The following NAA15 variants were observed in gnomAD, a reference collection of about 807,000 sequenced individuals.
NAA15 encodes N-alpha-acetyltransferase 15, NatA auxiliary subunit.
A neutral mutation model predicts 114.0 loss-of-function variants in NAA15; 34 were observed. The observed-to-expected ratio is 0.30, with a 90% CI of 0.23 to 0.40. NAA15 has a LOEUF of 0.40. Ranked by LOEUF, NAA15 falls within the 10% of genes least tolerant of loss-of-function variation. NAA15 has a pLI of 1.00. For synonymous variants in NAA15, 340 were observed against 338.0 expected, an observed-to-expected ratio of 1.01 and a Z score of -0.06; for missense variants, 658 against 1,004.5, an observed-to-expected ratio of 0.66 and a Z score of 4.66.
chr4:139,349,553 C>T lies in NAA15; in HGVS notation c.783C>T (p.Tyr261=). The T allele has an allele frequency of 6.2e-7, 1 of 1,610,732 alleles. No homozygotes were observed. Among genetic ancestry groups the T allele is most frequent in the Non-Finnish European group, 8.5e-7 (1 of 1,179,128 alleles). ...QERNPENWAY[Y]KGLEKALKPA... is the part of the protein sequence containing the mutation. ...GAAATCCTGAAAACTGGGCCTATTA[C>T]AAAGGCTTGGAAAAAGCACTCAAGC... The change falls in exon 7 of 20, where the codon TAC becomes TAT. Residue 261 remains tyrosine, a synonymous_variant. Transcript: ENST00000296543.
chr4:139,342,479 G>A (rs867777421), intron 4 of NAA15, among the ~76,000 whole-genome samples: 1 of 125,550 alleles, frequency 8.0e-6, no homozygotes, highest in Non-Finnish European at 1.7e-5. Flanking sequence ...ATTAATGTGT[G>A]TTTTTTTTTT....
chr4:139,315,031 G>GT (rs1746353843), intron 1 of NAA15, among the ~76,000 whole-genome samples: 11 of 46,178 alleles, frequency 2.4e-4, no homozygotes, highest in African/African-American at 8.4e-4. Context: ...GTTAGGTTAG[G>GT]TTAGGTTAGG....
chr4:139,365,087 G>A (rs1748240633), intron 14 of NAA15, among the ~76,000 whole-genome samples: 2 of 152,072 alleles, frequency 1.3e-5, no homozygotes, highest in South Asian at 4.2e-4. Context: ...ACCCAGGCTG[G>A]TGTGCAATGG....
chr4:139,315,668 TC>T (rs1472783847), intron 1 of NAA15, among the ~76,000 whole-genome samples: 1 of 151,944 alleles, frequency 6.6e-6, no homozygotes, highest in Non-Finnish European at 1.5e-5. Flanking sequence ...TAGTACTTGC[TC>T]TTTTGTAGAT....
intron 1 of NAA15, among the ~76,000 whole-genome samples, chr4:139,308,723 C>G (rs534638919): frequency 7.1e-4 from 108 of 152,142 alleles, no homozygotes; most frequent in Non-Finnish European, 1.2e-3. Flanking sequence ...TCAAGTGATT[C>G]TCCTGCCTCA....
chr4:139,334,070 A>T, intron 1 of NAA15, 104 bp from the exon 2 acceptor site: 1 of 694,176 alleles, frequency 1.4e-6, no homozygotes, highest in Non-Finnish European at 2.5e-6. Flanking sequence ...AAGCATATGG[A>T]AATAGCATTC....
intron 1 of NAA15, among the ~76,000 whole-genome samples, chr4:139,322,443 C>T (rs1353261431): frequency 6.6e-6 from 1 of 152,172 alleles, no homozygotes; most frequent in Non-Finnish European, 1.5e-5. Flanking sequence ...TTATCAGCAG[C>T]ATGAAAATGG....
At chr4:139,313,523 A>G (rs1282102965) in intron 1 of NAA15, among the ~76,000 whole-genome samples, 1 of 150,670 alleles carries the variant, frequency 6.6e-6, no homozygotes, top group African/African-American at 2.4e-5. Flanking sequence ...TAATGACTAC[A>G]TTGTTACAGT....
At chr4:139,385,238 G>C (rs997247587) in intron 18 of NAA15, among the ~76,000 whole-genome samples, 1 of 132,730 alleles carries the variant, frequency 7.5e-6, no homozygotes, top group Non-Finnish European at 1.6e-5. Flanking sequence ...GCAACATAAT[G>C]ATACCCTGTT....
At position 139,389,748 on chromosome 4, in the gene NAA15, T is replaced by C. The variant is rs1401141670; in HGVS notation, c.*1664T>C. ...TGTGGAACATGTAGTTTATAGAAAG[T>C]ATACTCTAAAGGGAATTTGCCGAAG... On this transcript the variant is annotated 3_prime_UTR_variant, in exon 20 of 20. Coordinates refer to ENST00000296543, the MANE Select transcript of NAA15 (RefSeq NM_057175.5). The C allele has an allele frequency of 6.6e-6, 1 of 152,594 alleles. No homozygotes were observed. 9.5% of individuals were successfully genotyped at this position (152,594 alleles called of 1,614,324 possible).
At chr4:139,387,860 A>G in intron 19 of NAA15, 24 bp from the exon 20 acceptor site, 1 of 1,597,094 alleles carries the variant, frequency 6.3e-7, no homozygotes, top group Non-Finnish European at 8.6e-7. Flanking sequence ...ACCAGTTACA[A>G]CATGACTTTT....
intron 1 of NAA15, among the ~76,000 whole-genome samples, chr4:139,314,917 C>T (rs1276504195): frequency 2.6e-5 from 4 of 151,694 alleles, no homozygotes; most frequent in Admixed American, 2.6e-4. Flanking sequence ...ACATTGTGAT[C>T]CGCCTGCCTC....
rs56861357 is a variant in NAA15, at chr4:139,315,051, G to GTTTAGTTTAGTTTAGTTTAGTTTAGT, written c.54+13222_54+13223insTAGTTTAGTTTAGTTTAGTTTAGTTT. Among the ~76,000 whole-genome samples, 150 of 112,440 alleles carry GTTTAGTTTAGTTTAGTTTAGTTTAGT rather than the reference G, an allele frequency of 1.3e-3. 13 individuals carry two copies. The highest frequency in any genetic ancestry group is 4.7e-3 in the African/African-American group (139 of 29,460). The allele number at this position is 112,440 out of a possible 152,430, so 73.8% of individuals were successfully genotyped here. A position where few individuals can be genotyped will look rare whatever the true frequency, so the allele number is the denominator to read the frequency against. ...GTTAGGTTAGGTTAGGTTAGGTTAG[G>GTTTAGTTTAGTTTAGTTTAGTTTAGT]TTAGTTTAGTTTAGTTTAGTTTAGT... is the stretch of plus-strand genomic sequence containing the variant. On this transcript the variant is annotated intron_variant, in intron 1 of 19. Coordinates refer to ENST00000296543, the MANE Select transcript of NAA15 (RefSeq NM_057175.5).
chr4:139,307,391 C>A (rs1423175745), intron 1 of NAA15, among the ~76,000 whole-genome samples: 2 of 152,188 alleles, frequency 1.3e-5, no homozygotes, highest in African/African-American at 4.8e-5. Flanking sequence ...AGCTCAGTCT[C>A]CCGAGTAGCT....
chr4:139,334,159 T>G lies in NAA15; in HGVS notation c.55-15T>G. 1 of 1,552,408 alleles carries G rather than the reference T, an allele frequency of 6.4e-7. No homozygotes were observed. The highest frequency in any genetic ancestry group is 8.7e-7 in the Non-Finnish European group (1 of 1,145,268). ...TTCCTTGCTAAACTTAAATTTTTCT[T>G]TTTTGTTTTGACAGAGGTGTTATGA... On this transcript the variant is annotated splice_polypyrimidine_tract_variant and intron_variant, in intron 1 of 19. Transcript: ENST00000296543.
chr4:139,321,638 ATTT>A (rs35673045), intron 1 of NAA15, among the ~76,000 whole-genome samples: 4 of 132,454 alleles, frequency 3.0e-5, no homozygotes, highest in African/African-American at 5.6e-5. Context: ...CGCCTGGCTA[ATTT>A]TTTTTTTTTT....
chr4:139,366,507 A>G (rs1000224331), intron 14 of NAA15, among the ~76,000 whole-genome samples: 5 of 151,970 alleles, frequency 3.3e-5, no homozygotes, highest in Admixed American at 1.3e-4. Flanking sequence ...AGCACAACCT[A>G]TATTTGAGGG....
intron 6 of NAA15, among the ~76,000 whole-genome samples, chr4:139,347,034 C>G (rs550078292): frequency 6.6e-6 from 1 of 152,018 alleles, no homozygotes; most frequent in Non-Finnish European, 1.5e-5. Context: ...AACCCCACCC[C>G]CAGCCTCCCA....
intron 1 of NAA15, among the ~76,000 whole-genome samples, chr4:139,322,828 A>G (rs1051060346): frequency 6.6e-6 from 1 of 151,904 alleles, no homozygotes; most frequent in Non-Finnish European, 1.5e-5. Flanking sequence ...AGTAGCTGGG[A>G]TTACAGGCAT....
Sources: allele counts gnomAD v4.1 joint callset (sites outside exome capture counted in the v4.1 genomes callset), GRCh38; gene constraint gnomAD v4.1.1; transcripts MANE v1.5; gene names NCBI Gene and HGNC (gene_info 2026-07-23, HGNC 2026-07-21).